Variants in TBC1D13 observed in about 807,000 individuals in gnomAD.
TBC1D13 encodes epididymis secretory sperm binding protein.
A neutral mutation model predicts 53.6 loss-of-function variants in TBC1D13; 40 were observed. The ratio of observed to expected loss-of-function variants is 0.75; its 90% CI spans 0.58 to 0.97. The LOEUF is 0.97. TBC1D13 is among the 50% of genes least tolerant of loss of function. TBC1D13 has a pLI of 0.00. For synonymous variants in TBC1D13, 182 were observed against 197.7 expected (o/e 0.92, Z 0.67); for missense variants, 377 against 499.4 (o/e 0.75, Z 2.34).
At chr9:128,797,673 T>G (rs1687769740) in intron 7 of TBC1D13, among the ~76,000 whole-genome samples, 1 of 151,682 alleles carries the variant, frequency 6.6e-6, no homozygotes, top group Non-Finnish European at 1.5e-5. Context: ...CATGATGGCA[T>G]GTGCCTGTAG....
chr9:128,790,257 C>CAAAAAA lies in TBC1D13; in HGVS notation c.98-464_98-459dup, dbSNP rs10658153. 3.2e-4 allele frequency among the ~76,000 whole-genome samples: 35 copies of CAAAAAA among 107,928 alleles called. No homozygotes were observed. The Admixed American group carries it at 3.5e-3, about 11-fold the overall frequency. The allele number at this position is 107,928 out of a possible 152,430, so 70.8% of individuals were successfully genotyped here. On this transcript the variant is annotated intron_variant, in intron 2 of 11. Transcript: ENST00000372648. ...GGGCAACAGAGCAAGACTTTGTCTC[C>CAAAAAA]AAAAAAAAAAAAAAAAAAATTAGCA...
At chr9:128,804,922 T>C (rs1284143967) in intron 9 of TBC1D13, among the ~76,000 whole-genome samples, 1 of 151,536 alleles carries the variant, frequency 6.6e-6, no homozygotes, top group African/African-American at 2.4e-5. Context: ...AGAGATGGGA[T>C]TTCGCTGTGT....
chr9:128,792,860 C>T (rs970162669), intron 6 of TBC1D13, among the ~76,000 whole-genome samples: 2 of 152,182 alleles, frequency 1.3e-5, no homozygotes, highest in Non-Finnish European at 2.9e-5. Context: ...AAGTATTGAG[C>T]CCCTTTTGTG....
intron 11 of TBC1D13, among the ~76,000 whole-genome samples, chr9:128,807,406 C>A (rs1394774423): frequency 3.9e-5 from 6 of 152,146 alleles, no homozygotes; most frequent in Admixed American, 3.9e-4. Flanking sequence ...TTTTCCCTAA[C>A]TTCATGGACC....
In TBC1D13 at chr9:128,808,887, T is replaced by G. The variant is rs992592009; in HGVS notation, c.*1008T>G. On this transcript the variant is annotated 3_prime_UTR_variant, in exon 12 of 12. Coordinates refer to ENST00000372648, the MANE Select transcript of TBC1D13 (RefSeq NM_018201.5). ...AGCTTTGAGCCTCCTGCCCCTGCTT[T>G]CTGCCCAGGGAGGGAGAAGGAAGAG... 2 of 152,248 alleles carry G rather than the reference T, an allele frequency of 1.3e-5. No homozygotes were observed. Among genetic ancestry groups the G allele is most frequent in the Non-Finnish European group, 2.9e-5 (2 of 68,084 alleles). The allele number at this position is 152,248 out of a possible 1,614,324, so 9.4% of individuals were successfully genotyped here.
At position 128,797,230 on chromosome 9, in the gene TBC1D13, G is replaced by A; in HGVS notation, c.543+16G>A. On this transcript the variant is annotated intron_variant, in intron 7 of 11. Transcript: ENST00000372648. ...GGTCACAAATGTGAGTGCCAACCTG[G>A]GGTCCCCAGGGACTCCCCCAACAGT... The A allele has an allele frequency of 6.2e-7, 1 of 1,613,282 alleles. No homozygotes were observed. The highest frequency in any genetic ancestry group is 1.1e-5 in the South Asian group (1 of 91,008).
intron 7 of TBC1D13, among the ~76,000 whole-genome samples, chr9:128,800,149 A>G (rs1829706968): frequency 6.6e-6 from 1 of 152,090 alleles, no homozygotes; most frequent in South Asian, 2.1e-4. Context: ...TGTCTCCAGG[A>G]CCCTATGCTT....
intron 2 of TBC1D13, 148 bp from the exon 3 acceptor site, chr9:128,790,587 C>T (rs1194814784): frequency 1.4e-6 from 1 of 704,368 alleles, no homozygotes; most frequent in Non-Finnish European, 2.3e-6. Flanking sequence ...AAAAAGAAAC[C>T]ATCCAATCTA....
intron 3 of TBC1D13, among the ~76,000 whole-genome samples, chr9:128,790,983 A>G (rs917003374): frequency 1.6e-4 from 24 of 152,124 alleles, no homozygotes; most frequent in African/African-American, 5.6e-4. Flanking sequence ...AATGCCAACA[A>G]TGAAGACCTC....
chr9:128,791,334 T>C, intron 3 of TBC1D13, 46 bp from the exon 4 acceptor site: 1 of 1,570,610 alleles, frequency 6.4e-7, no homozygotes, highest in African/African-American at 1.3e-5. Flanking sequence ...AGACTGACGT[T>C]GGTGCAGGAG....
At position 128,808,457 on chromosome 9, in the gene TBC1D13, T is replaced by TGTGTGTGTGTGTG. The variant is rs1554796455; in HGVS notation, c.*578_*579insGTGTGTGTGTGTG. On this transcript the variant is annotated 3_prime_UTR_variant, in exon 12 of 12. Coordinates refer to ENST00000372648, the MANE Select transcript of TBC1D13 (RefSeq NM_018201.5). The stretch of plus-strand genomic sequence containing the variant: ...TGTGTGTGTGTGTGTGTGTGTGTGT[T>TGTGTGTGTGTGTG]AGGGAGTGAGGGTCTCTCAGGCCTC... The TGTGTGTGTGTGTG allele has an allele frequency of 3.7e-4, 19 of 51,110 alleles. No homozygotes were observed. The highest frequency in any genetic ancestry group is 8.3e-4 in the African/African-American group (9 of 10,816). The allele number at this position is 51,110 out of a possible 1,614,324, so 3.2% of individuals were successfully genotyped here.
intron 6 of TBC1D13, among the ~76,000 whole-genome samples, chr9:128,794,449 T>C (rs1302604263): frequency 6.6e-6 from 1 of 152,170 alleles, no homozygotes; most frequent in East Asian, 1.9e-4. Flanking sequence ...AGGTTCTGTT[T>C]TTTTGTTTTC....
chr9:128,792,280 G>C (rs1460633508), intron 5 of TBC1D13, among the ~76,000 whole-genome samples: 3 of 152,230 alleles, frequency 2.0e-5, no homozygotes, highest in Non-Finnish European at 4.4e-5. Flanking sequence ...TGGTCCCCAG[G>C]CTGGGCTCCC....
chr9:128,807,532 G>A (rs1048753614), intron 11 of TBC1D13, among the ~76,000 whole-genome samples: 2 of 152,222 alleles, frequency 1.3e-5, no homozygotes, highest in Non-Finnish European at 2.9e-5. Flanking sequence ...CTCGGGTTCA[G>A]TGGCAGTAGT....
At chr9:128,791,560 G>T in intron 4 of TBC1D13, 34 bp from the exon 5 acceptor site, 1 of 1,612,140 alleles carries the variant, frequency 6.2e-7, no homozygotes. Flanking sequence ...GGGCAGGACC[G>T]TTGGGAATCA....
At chr9:128,798,885 A>T (rs576387717) in intron 7 of TBC1D13, among the ~76,000 whole-genome samples, 77 of 151,914 alleles carry the variant, frequency 5.1e-4, no homozygotes, top group Non-Finnish European at 8.5e-4. Flanking sequence ...TGTTTGTTTT[A>T]TTTTTTTAAA....
chr9:128,788,172 A>G lies in TBC1D13; in HGVS notation c.24-162A>G, dbSNP rs557621996. Among the ~76,000 whole-genome samples the G allele has an allele frequency of 4.7e-4, 71 of 152,304 alleles. 1 individual carries two copies. The highest frequency in any genetic ancestry group is 1.5e-4 in the Non-Finnish European group (10 of 68,012). On this transcript the variant is annotated intron_variant, in intron 1 of 11. Coordinates refer to ENST00000372648, the MANE Select transcript of TBC1D13 (RefSeq NM_018201.5). ...TGAAATATAGTTTTGTTGTTCTCCA[A>G]AGCTGTCTTTGGTGAGGACCTTGAC...
At chr9:128,798,874 T>A (rs1325496005) in intron 7 of TBC1D13, among the ~76,000 whole-genome samples, 2 of 152,054 alleles carry the variant, frequency 1.3e-5, no homozygotes, top group African/African-American at 4.8e-5. Flanking sequence ...TTTTGTTTGT[T>A]TGTTTGTTTT....
chr9:128,788,639 G>A (rs1829473760), intron 2 of TBC1D13, among the ~76,000 whole-genome samples: 1 of 152,192 alleles, frequency 6.6e-6, no homozygotes, highest in Non-Finnish European at 1.5e-5. Context: ...CACTTAGCAT[G>A]CCCTAAGCTT....
Sources: gnomAD v4.1 joint callset for allele counts (sites outside exome capture counted in the v4.1 genomes callset) on GRCh38, gnomAD v4.1.1 for gene constraint, MANE v1.5 for transcripts, NCBI Gene and HGNC (gene_info 2026-07-23, HGNC 2026-07-21) for gene names.